The following MYO5B variants were observed in gnomAD, a reference collection of about 807,000 sequenced individuals.
MYO5B encodes unconventional myosin-Vb.
In MYO5B, 143 loss-of-function variants were observed where a neutral mutation model predicts 229.3. That is an observed-to-expected ratio of 0.62 (90% CI 0.54 to 0.72). The LOEUF (loss-of-function observed/expected upper bound fraction) is 0.72. MYO5B is among the 30% of genes least tolerant of loss of function. MYO5B has a pLI of 0.00. For missense variants in MYO5B, 2,321 were observed against 2,331.0 expected, an observed-to-expected ratio of 1.00 and a Z score of 0.09; for synonymous variants, 918 against 885.2, an observed-to-expected ratio of 1.04 and a Z score of -0.66.
At chr18:49,930,962 G>T (rs760372634) in intron 16 of MYO5B, among the ~76,000 whole-genome samples, 1 of 151,966 alleles carries the variant, frequency 6.6e-6, no homozygotes, top group Non-Finnish European at 1.5e-5. Flanking sequence ...AGAGTAAGCA[G>T]GGAGTCTTCA....
intron 11 of MYO5B, 61 bp downstream of exon 11, chr18:49,962,888 C>T: frequency 1.4e-6 from 2 of 1,394,246 alleles, no homozygotes; most frequent in Non-Finnish European, 1.0e-6. Flanking sequence ...AGTGGCCTGT[C>T]TGTCCCTCCC....
intron 1 of MYO5B, among the ~76,000 whole-genome samples, chr18:50,194,210 T>C (rs1430793684): frequency 6.6e-6 from 1 of 152,082 alleles, no homozygotes; most frequent in Non-Finnish European, 1.5e-5. Context: ...TCACGCCAGG[T>C]TGTCTCCTCC....
intron 1 of MYO5B, among the ~76,000 whole-genome samples, chr18:50,146,133 G>A (rs139052867): frequency 2.6e-5 from 4 of 152,186 alleles, no homozygotes; most frequent in African/African-American, 9.7e-5. Flanking sequence ...CACACTTGCA[G>A]GTTCTGCCTT....
At chr18:50,133,437 G>A (rs1201537443) in intron 1 of MYO5B, among the ~76,000 whole-genome samples, 1 of 152,198 alleles carries the variant, frequency 6.6e-6, no homozygotes, top group Non-Finnish European at 1.5e-5. Flanking sequence ...AATAGAAAGA[G>A]TGAAAGCTCA....
chr18:50,160,653 G>T (rs1031893675), intron 1 of MYO5B, among the ~76,000 whole-genome samples: 1 of 152,070 alleles, frequency 6.6e-6, no homozygotes, highest in Non-Finnish European at 1.5e-5. Context: ...GGCTTGGGGG[G>T]CCACTCTGGG....
chr18:49,888,660 C>T (rs919503202), intron 22 of MYO5B, among the ~76,000 whole-genome samples: 2 of 152,192 alleles, frequency 1.3e-5, no homozygotes, highest in Non-Finnish European at 2.9e-5. Flanking sequence ...TCAGGAAACA[C>T]TGAACTCCTC....
chr18:50,059,451 C>T (rs958932250), intron 1 of MYO5B, among the ~76,000 whole-genome samples: 2 of 152,192 alleles, frequency 1.3e-5, no homozygotes, highest in African/African-American at 4.8e-5. Context: ...AAGTTAATGC[C>T]GACTTTGGAA....
intron 1 of MYO5B, among the ~76,000 whole-genome samples, chr18:50,134,876 TAATC>T (rs754795916): frequency 3.4e-4 from 51 of 152,226 alleles, no homozygotes; most frequent in Non-Finnish European, 5.9e-4. Context: ...TGAAGTCACT[TAATC>T]AATGCCTACA....
intron 39 of MYO5B, among the ~76,000 whole-genome samples, chr18:49,832,125 G>T (rs1212632874): frequency 1.3e-5 from 2 of 152,184 alleles, no homozygotes; most frequent in Non-Finnish European, 2.9e-5. Context: ...TTTGGAAATA[G>T]TGGTGATGGT....
Position 50,036,873 on chromosome 18 carries a change from T to C in MYO5B, c.432A>G (p.Glu144=), listed in dbSNP as rs1292020992. 4 of 1,614,016 alleles carry C rather than the reference T, an allele frequency of 2.5e-6. No individual in the cohort carries two copies. In the African/African-American group the frequency reaches 4.0e-5, roughly 16 times the overall value. ...ACCTGGCCATCTGCTTGTAGGCTTC[T>C]TCTGCCACAGCAAAGATGTGGGGGT... ...DMDPHIFAVA[E]EAYKQMARDE... Residue 144 remains glutamate, a synonymous_variant, in exon 4 of 40, where the codon GAA becomes GAG. Coordinates refer to ENST00000285039, the MANE Select transcript of MYO5B (RefSeq NM_001080467.3).
chr18:50,142,083 C>A (rs1371062021), intron 1 of MYO5B, among the ~76,000 whole-genome samples: 1 of 152,140 alleles, frequency 6.6e-6, no homozygotes, highest in Non-Finnish European at 1.5e-5. Flanking sequence ...ACCTAGAAGC[C>A]CACCAATCTA....
chr18:50,013,288 G>T (rs142139108), intron 4 of MYO5B, among the ~76,000 whole-genome samples: 1 of 152,210 alleles, frequency 6.6e-6, no homozygotes, highest in Non-Finnish European at 1.5e-5. Flanking sequence ...AGCCACACCA[G>T]TCTTGGAGTG....
At chr18:50,089,195 T>C (rs1439339318) in intron 1 of MYO5B, among the ~76,000 whole-genome samples, 1 of 151,886 alleles carries the variant, frequency 6.6e-6, no homozygotes, top group Non-Finnish European at 1.5e-5. Flanking sequence ...CTGGCCAATA[T>C]GGTGAAACCC....
intron 1 of MYO5B, among the ~76,000 whole-genome samples, chr18:50,118,249 G>C (rs1276624203): frequency 6.6e-6 from 1 of 152,118 alleles, no homozygotes; most frequent in Non-Finnish European, 1.5e-5. Context: ...TAGGATGGTT[G>C]GTCACCATAG....
At chr18:49,885,117 T>TTGC (rs950315876) in intron 22 of MYO5B, among the ~76,000 whole-genome samples, 4 of 152,162 alleles carry the variant, frequency 2.6e-5, no homozygotes, top group African/African-American at 7.2e-5. Flanking sequence ...TGACCCAGGA[T>TTGC]TGCTACTCCT....
At chr18:50,123,285 G>A (rs142163331) in intron 1 of MYO5B, among the ~76,000 whole-genome samples, 130 of 152,330 alleles carry the variant, frequency 8.5e-4, no homozygotes, top group Middle Eastern at 6.8e-3. Flanking sequence ...GCCAACAGGA[G>A]GGAGAAATGG....
intron 29 of MYO5B, 67 bp downstream of exon 29, chr18:49,863,160 A>T (rs1381662285): frequency 1.6e-6 from 2 of 1,253,898 alleles, no homozygotes; most frequent in East Asian, 2.3e-5. Context: ...AAAACCCCAA[A>T]CAGACTCGTT....
chr18:49,938,732 G>A (rs2144215958), intron 14 of MYO5B, among the ~76,000 whole-genome samples: 1 of 152,250 alleles, frequency 6.6e-6, no homozygotes, highest in Middle Eastern at 3.4e-3. Context: ...TCACGTTGCT[G>A]TCTCATAGGC....
At chr18:49,908,024 A>C (rs960718647) in intron 18 of MYO5B, among the ~76,000 whole-genome samples, 19 of 152,326 alleles carry the variant, frequency 1.2e-4, no homozygotes, top group African/African-American at 4.6e-4. Flanking sequence ...TAGGAAGCCA[A>C]AGCACGGTAG....
Sources: allele counts gnomAD v4.1 joint callset (sites outside exome capture counted in the v4.1 genomes callset), GRCh38; gene constraint gnomAD v4.1.1; transcripts MANE v1.5; gene names NCBI Gene and HGNC (gene_info 2026-07-23, HGNC 2026-07-21).